CCDC83: variants seen among roughly 807,000 people sequenced by gnomAD.
CCDC83 encodes coiled-coil domain containing 83, also known as coiled-coil domain-containing protein 83.
Under a neutral mutation model 50.1 loss-of-function variants are expected in CCDC83, and 54 were observed. The ratio of observed to expected loss-of-function variants is 1.08; its 90% CI spans 0.87 to 1.35. The LOEUF is 1.35. CCDC83 is among the 40% of genes most tolerant of loss of function. The pLI is 0.00. For synonymous variants in CCDC83, 161 were observed against 153.3 expected (o/e 1.05, Z -0.37); for missense variants, 518 against 473.9 (o/e 1.09, Z -0.86).
At chr11:85,882,133 CAAAAAT>C (rs1289199585) in intron 3 of CCDC83, among the ~76,000 whole-genome samples, 12 of 144,116 alleles carry the variant, frequency 8.3e-5, no homozygotes, top group Non-Finnish European at 1.7e-4. Context: ...TCTAAAAAAA[CAAAAAT>C]AATAATAATA....
At chr11:85,885,807 C>A (rs564408243) in intron 4 of CCDC83, among the ~76,000 whole-genome samples, 1 of 152,302 alleles carries the variant, frequency 6.6e-6, no homozygotes, top group Non-Finnish European at 1.5e-5. Flanking sequence ...CACTTTTGCT[C>A]AGAGGGTATA....
intron 4 of CCDC83, among the ~76,000 whole-genome samples, chr11:85,884,828 C>T (rs1377465389): frequency 1.3e-5 from 2 of 152,178 alleles, no homozygotes; most frequent in African/African-American, 2.4e-5. Context: ...GCAGTCTGCT[C>T]GAATGAGAGA....
intron 7 of CCDC83, among the ~76,000 whole-genome samples, chr11:85,909,445 T>G (rs1346916152): frequency 6.6e-6 from 1 of 152,144 alleles, no homozygotes; most frequent in East Asian, 1.9e-4. Flanking sequence ...CTAATTCTCC[T>G]ATTGCTCTGT....
chr11:85,881,884 G>C (rs1370378166), intron 3 of CCDC83, among the ~76,000 whole-genome samples: 1 of 152,122 alleles, frequency 6.6e-6, no homozygotes, highest in South Asian at 2.1e-4. Context: ...TGCTTATCTT[G>C]TTTGGGGTAT....
chr11:85,859,456 C>G (rs1415140433), intron 1 of CCDC83, among the ~76,000 whole-genome samples: 1 of 152,132 alleles, frequency 6.6e-6, no homozygotes, highest in Non-Finnish European at 1.5e-5. Flanking sequence ...CAACATGGTA[C>G]TGTTACAAAA....
chr11:85,887,164 G>C (rs1316319832), intron 5 of CCDC83, among the ~76,000 whole-genome samples: 1 of 152,220 alleles, frequency 6.6e-6, no homozygotes, highest in Non-Finnish European at 1.5e-5. Context: ...AGAGGCTATA[G>C]AGTAGGATGC....
chr11:85,909,552 C>T (rs1407743482), intron 7 of CCDC83, among the ~76,000 whole-genome samples: 1 of 137,194 alleles, frequency 7.3e-6, no homozygotes, highest in Non-Finnish European at 1.5e-5. Context: ...TAGTAACATT[C>T]TTCTATATAC....
chr11:85,905,383 A>G (rs1243113118), intron 7 of CCDC83, among the ~76,000 whole-genome samples: 2 of 149,634 alleles, frequency 1.3e-5, no homozygotes, highest in East Asian at 4.0e-4. Context: ...CAAAGTTTGC[A>G]GTGAGCCGAG....
chr11:85,890,007 G>T (rs1021769922), intron 5 of CCDC83, among the ~76,000 whole-genome samples: 4 of 152,078 alleles, frequency 2.6e-5, no homozygotes, highest in African/African-American at 4.8e-5. Context: ...TAGAAATTAG[G>T]GGACAACTTT....
At chr11:85,860,762 A>C (rs1401185841) in intron 1 of CCDC83, among the ~76,000 whole-genome samples, 4 of 152,242 alleles carry the variant, frequency 2.6e-5, no homozygotes, top group Non-Finnish European at 1.5e-5. Flanking sequence ...GGACTAGATA[A>C]AGAAAATGTG....
At chr11:85,874,679 T>C (rs1198905993) in intron 3 of CCDC83, among the ~76,000 whole-genome samples, 1 of 152,242 alleles carries the variant, frequency 6.6e-6, no homozygotes, top group Admixed American at 6.5e-5. Context: ...CTTTTGAATA[T>C]TGTAAACCAG....
At chr11:85,870,138 G>A (rs1418653537) in intron 2 of CCDC83, among the ~76,000 whole-genome samples, 2 of 152,220 alleles carry the variant, frequency 1.3e-5, no homozygotes, top group African/African-American at 2.4e-5. Flanking sequence ...AATAAACGAT[G>A]CCCAATTAAA....
chr11:85,915,760 C>T (rs2093474654), intron 9 of CCDC83, among the ~76,000 whole-genome samples: 1 of 152,174 alleles, frequency 6.6e-6, no homozygotes, highest in African/African-American at 2.4e-5. Context: ...CTGCTGTCTA[C>T]ACTGGCAAGG....
chr11:85,860,655 T>G (rs1001402150), intron 1 of CCDC83, among the ~76,000 whole-genome samples: 1 of 151,992 alleles, frequency 6.6e-6, no homozygotes, highest in Non-Finnish European at 1.5e-5. Context: ...CTAAGGAAAA[T>G]AAATCATTCT....
At chr11:85,915,348 G>T (rs1260528677) in intron 8 of CCDC83, 71 bp from the exon 9 acceptor site, 1 of 1,061,794 alleles carries the variant, frequency 9.4e-7, no homozygotes, top group Non-Finnish European at 1.4e-6. Flanking sequence ...CTAGTAGAGA[G>T]ATAGACCCTA....
chr11:85,896,792 C>G (rs1444405758), intron 6 of CCDC83, among the ~76,000 whole-genome samples: 1 of 149,496 alleles, frequency 6.7e-6, no homozygotes, highest in South Asian at 2.1e-4. Flanking sequence ...ATCTTGACCT[C>G]TCTTCAAACT....
Position 85,919,752 on chromosome 11 carries a change from G to A in CCDC83, c.*242G>A. The A allele has an allele frequency of 2.5e-6, 1 of 394,898 alleles. No homozygotes were observed. The highest frequency in any genetic ancestry group is 4.5e-6 in the Non-Finnish European group (1 of 223,108). 24.5% of individuals were successfully genotyped at this position (394,898 alleles called of 1,614,324 possible). On this transcript the variant is annotated 3_prime_UTR_variant, in exon 11 of 11. Coordinates refer to ENST00000342404, the MANE Select transcript of CCDC83 (RefSeq NM_001286159.2). The stretch of plus-strand genomic sequence containing the variant: ...TGAAGTATTCAGAAGCATGACAGTG[G>A]GTTCAAGGTAGTCTCTGAGGTTCCT...
At chr11:85,912,049 C>A (rs574644706) in intron 8 of CCDC83, among the ~76,000 whole-genome samples, 1 of 152,070 alleles carries the variant, frequency 6.6e-6, no homozygotes, top group Non-Finnish European at 1.5e-5. Flanking sequence ...AAATGGCACT[C>A]ATAATTTAGA....
chr11:85,872,247 G>A (rs1256822731), intron 2 of CCDC83, among the ~76,000 whole-genome samples: 1 of 152,156 alleles, frequency 6.6e-6, no homozygotes, highest in Non-Finnish European at 1.5e-5. Context: ...CACTTTGAGA[G>A]CCCGAAGCGG....
Sources: gnomAD v4.1 joint callset for allele counts (sites outside exome capture counted in the v4.1 genomes callset) on GRCh38, gnomAD v4.1.1 for gene constraint, MANE v1.5 for transcripts, NCBI Gene and HGNC (gene_info 2026-07-23, HGNC 2026-07-21) for gene names.